GLDC: variants seen among roughly 807,000 people sequenced by gnomAD.
GLDC encodes glycine dehydrogenase (decarboxylating), mitochondrial.
Under a neutral mutation model 121.3 loss-of-function variants are expected in GLDC, and 104 were observed. The observed-to-expected ratio is 0.86, with a 90% CI of 0.73 to 1.01. The LOEUF is 1.01. Among genes scored for constraint, GLDC ranks in the 50% least tolerant of loss-of-function variants. The pLI, the probability that GLDC is intolerant of heterozygous loss-of-function variation, is 0.00. For missense variants in GLDC, 1,429 were observed against 1,306.6 expected (o/e 1.09, Z -1.44); for synonymous variants, 546 against 480.6 (o/e 1.14, Z -1.78).
At position 6,597,511 on chromosome 9, in the gene GLDC, G is replaced by A. The variant is rs548506385; in HGVS notation, c.1156-2392C>T. Among the ~76,000 whole-genome samples, 12 of 151,714 alleles carry A rather than the reference G, an allele frequency of 7.9e-5. No homozygotes were observed. The East Asian group carries it at 2.1e-3, about 27-fold the overall frequency. The stretch of plus-strand genomic sequence containing the variant: ...TTTGGGAGGCTGAGGCAGGAGGATC[G>A]CTTGAGGCCTGGAGATCAATACTAG... On this transcript the variant is annotated intron_variant, in intron 8 of 24. Transcript: ENST00000321612.
At chr9:6,608,876 C>A (rs1349551330) in intron 4 of GLDC, among the ~76,000 whole-genome samples, 1 of 152,062 alleles carries the variant, frequency 6.6e-6, no homozygotes, top group East Asian at 1.9e-4. Flanking sequence ...GGGTGGATGG[C>A]ACTCTTTTGT....
At chr9:6,564,361 C>T (rs1291741068) in intron 16 of GLDC, among the ~76,000 whole-genome samples, 1 of 152,128 alleles carries the variant, frequency 6.6e-6, no homozygotes, top group Non-Finnish European at 1.5e-5. Flanking sequence ...TCCTTCGTTT[C>T]CCCTGTTATG....
chr9:6,558,476 A>G (rs1817680587), intron 17 of GLDC, 83 bp downstream of exon 17: 10 of 1,473,458 alleles, frequency 6.8e-6, no homozygotes, highest in African/African-American at 1.4e-5. Context: ...AAGAGAAGAC[A>G]TTTACATAAT....
chr9:6,532,849 G>A lies in GLDC; in HGVS notation c.*168C>T, dbSNP rs932008577. 86 of 673,996 alleles carry A rather than the reference G, an allele frequency of 1.3e-4. No homozygotes were observed. The East Asian group carries it at 2.1e-3, about 16-fold the overall frequency. The allele number at this position is 673,996 out of a possible 1,614,324, so 41.8% of individuals were successfully genotyped here. On this transcript the variant is annotated 3_prime_UTR_variant, in exon 25 of 25. Coordinates refer to ENST00000321612, the MANE Select transcript of GLDC (RefSeq NM_000170.3). ...AATCCGTCTTCCAACCATCAGCTTC[G>A]ACTCCCTCCAGCTACTGTATTTACA...
intron 15 of GLDC, among the ~76,000 whole-genome samples, chr9:6,584,797 G>T (rs1164303691): frequency 6.6e-6 from 1 of 152,198 alleles, no homozygotes; most frequent in Non-Finnish European, 1.5e-5. Flanking sequence ...TGGTATAGCT[G>T]GGAATCTCAG....
chr9:6,554,958 G>A (rs1456582220), intron 18 of GLDC, 177 bp from the exon 19 acceptor site: 1 of 670,278 alleles, frequency 1.5e-6, no homozygotes, highest in Non-Finnish European at 2.7e-6. Context: ...TCACAAACTG[G>A]CATCCGATAG....
rs1422108790 is a variant in GLDC, at chr9:6,550,844, C to T, written c.2528G>A (p.Arg843Gln). The T allele has an allele frequency of 3.1e-6, 5 of 1,613,602 alleles. No homozygotes were observed. In the South Asian group the frequency reaches 3.3e-5, roughly 11 times the overall value. Residue 843 changes from arginine (R) to glutamine (Q), a missense_variant, in exon 21 of 25, where the codon CGA becomes CAA. Transcript: ENST00000321612. ...AILNANYMAK[R>Q]LETHYRILFR... ...AAGAATTCTGTAGTGTGTTTCTAATCGCTTGGCCATGTAGTTGGCATTTAA... is the reference window on the plus strand; with the variant it reads ...AAGAATTCTGTAGTGTGTTTCTAATTGCTTGGCCATGTAGTTGGCATTTAA...
intron 2 of GLDC, among the ~76,000 whole-genome samples, chr9:6,624,360 T>C (rs1337282590): frequency 6.6e-6 from 1 of 152,140 alleles, no homozygotes; most frequent in Admixed American, 6.5e-5. Context: ...GGTGTCCTTA[T>C]AAGAAGAGCA....
At chr9:6,543,618 G>A (rs866461445) in intron 21 of GLDC, among the ~76,000 whole-genome samples, 19 of 152,184 alleles carry the variant, frequency 1.2e-4, no homozygotes, top group African/African-American at 4.6e-4. Context: ...AATAGAAACT[G>A]CGGTGGAATT....
chr9:6,638,903 G>A lies in GLDC; in HGVS notation c.334+5711C>T, dbSNP rs538256022. Among the ~76,000 whole-genome samples, 3 of 152,122 alleles carry A rather than the reference G, an allele frequency of 2.0e-5. No individual in the cohort carries two copies. In the East Asian group the frequency reaches 5.8e-4, roughly 30 times the overall value. ...GCGTGCCTGTAGTCTCAGCTACTCG[G>A]GAGGCTCAGGCAGGAGAATCGCTTG... On this transcript the variant is annotated intron_variant, in intron 2 of 24. Coordinates refer to ENST00000321612, the MANE Select transcript of GLDC (RefSeq NM_000170.3).
At chr9:6,562,343 A>G (rs1817774207) in intron 16 of GLDC, among the ~76,000 whole-genome samples, 1 of 152,210 alleles carries the variant, frequency 6.6e-6, no homozygotes, top group South Asian at 2.1e-4. Context: ...AAGACCCATC[A>G]GGAGCCCAGG....
intron 16 of GLDC, among the ~76,000 whole-genome samples, chr9:6,560,065 C>G (rs1292256150): frequency 6.6e-6 from 1 of 152,204 alleles, no homozygotes; most frequent in Non-Finnish European, 1.5e-5. Flanking sequence ...CTAAAATTCT[C>G]AGACTCAAAT....
At chr9:6,547,211 C>A (rs1817412285) in intron 21 of GLDC, among the ~76,000 whole-genome samples, 1 of 151,886 alleles carries the variant, frequency 6.6e-6, no homozygotes, top group African/African-American at 2.4e-5. Context: ...AGGGAAAAAA[C>A]CAATAGGATG....
At chr9:6,605,709 A>G (rs1005857627) in intron 5 of GLDC, among the ~76,000 whole-genome samples, 1 of 151,974 alleles carries the variant, frequency 6.6e-6, no homozygotes, top group African/African-American at 2.4e-5. Flanking sequence ...TATGTCAGAA[A>G]CCCCCCCTCT....
At chr9:6,573,089 G>A (rs556554369) in intron 15 of GLDC, among the ~76,000 whole-genome samples, 4 of 152,270 alleles carry the variant, frequency 2.6e-5, no homozygotes, top group African/African-American at 9.6e-5. Context: ...CTATTTCACA[G>A]GTGAACTTAA....
chr9:6,550,801 G>A lies in GLDC; in HGVS notation c.2569+2C>T, dbSNP rs1817496105. On this transcript the variant is annotated splice_donor_variant, in intron 21 of 24. Coordinates refer to ENST00000321612, the MANE Select transcript of GLDC (RefSeq NM_000170.3). LOFTEE classifies it low-confidence loss of function (GC_TO_GT_DONOR). Reference sequence around the variant, plus strand: ...TAATGATAGATTAAAGTTGATACTTGCCTCTTGCACCCCTGAAAAGAATTC... The same window carrying A: ...TAATGATAGATTAAAGTTGATACTTACCTCTTGCACCCCTGAAAAGAATTC... The A allele has an allele frequency of 6.3e-7, 1 of 1,588,364 alleles. No individual in the cohort carries two copies. The highest frequency in any genetic ancestry group is 1.3e-5 in the African/African-American group (1 of 74,364).
Position 6,549,898 on chromosome 9 carries a change from C to A in GLDC, c.2569+905G>T, listed in dbSNP as rs1817475273. 2.0e-5 allele frequency among the ~76,000 whole-genome samples: 3 copies of A among 152,268 alleles called. No individual in the cohort carries two copies. The South Asian group carries it at 6.2e-4, about 32-fold the overall frequency. Reference sequence around the variant, plus strand: ...TCCCTACCCTCCCCTGCTCAAAAACCTTTAATGGCTATTGTCCAGCTCAAG... The same window carrying A: ...TCCCTACCCTCCCCTGCTCAAAAACATTTAATGGCTATTGTCCAGCTCAAG... On this transcript the variant is annotated intron_variant, in intron 21 of 24. Coordinates refer to ENST00000321612, the MANE Select transcript of GLDC (RefSeq NM_000170.3).
At chr9:6,584,599 G>C (rs752858585) in intron 15 of GLDC, among the ~76,000 whole-genome samples, 1 of 152,024 alleles carries the variant, frequency 6.6e-6, no homozygotes, top group South Asian at 2.1e-4. Context: ...TTTTTTCTGC[G>C]AATTAAGACA....
At chr9:6,570,239 A>T (rs977208400) in intron 15 of GLDC, among the ~76,000 whole-genome samples, 3 of 152,252 alleles carry the variant, frequency 2.0e-5, no homozygotes, top group Non-Finnish European at 2.9e-5. Flanking sequence ...GTTCTCAAAT[A>T]GAATGTTGTA....
Sources: gnomAD v4.1 joint callset for allele counts (sites outside exome capture counted in the v4.1 genomes callset) on GRCh38, gnomAD v4.1.1 for gene constraint, MANE v1.5 for transcripts, NCBI Gene and HGNC (gene_info 2026-07-23, HGNC 2026-07-21) for gene names.